The following PFDN2 variants were observed in gnomAD, a reference collection of about 807,000 sequenced individuals.
PFDN2 encodes prefoldin subunit 2.
PFDN2 carries 7 observed loss-of-function variants against 18.3 expected under a neutral mutation model. The ratio of observed to expected loss-of-function variants is 0.38; its 90% CI spans 0.22 to 0.72. The LOEUF is 0.72. Ranked by LOEUF, PFDN2 falls within the 30% of genes least tolerant of loss-of-function variation. The pLI is 0.47. For synonymous variants in PFDN2, 76 were observed against 75.0 expected, an observed-to-expected ratio of 1.01 and a Z score of -0.07; for missense variants, 181 against 199.1, an observed-to-expected ratio of 0.91 and a Z score of 0.55.
At chr1:161,113,495 G>C (rs1654849569) in intron 1 of PFDN2, among the ~76,000 whole-genome samples, 1 of 152,202 alleles carries the variant, frequency 6.6e-6, no homozygotes, top group Non-Finnish European at 1.5e-5. Flanking sequence ...ACAGAAGGTA[G>C]GCCTGAGCGG....
rs373554206 is a variant in PFDN2 at position 161,102,735 on chromosome 1, G to A, written c.76-360C>T. On this transcript the variant is annotated intron_variant, in intron 1 of 3. Coordinates refer to ENST00000368010, the MANE Select transcript of PFDN2 (RefSeq NM_012394.4). The stretch of plus-strand genomic sequence containing the variant: ...AGCACTTTGGGAGGCCAAGGCAGGC[G>A]GATCACAAGGTCAAGAAATTGAGAC... Among the ~76,000 whole-genome samples the A allele has an allele frequency of 2.6e-4, 40 of 152,058 alleles. No homozygotes were observed. The South Asian group carries it at 6.7e-3, about 25-fold the overall frequency.
intron 1 of PFDN2, among the ~76,000 whole-genome samples, chr1:161,102,583 G>T (rs1418466000): frequency 6.6e-6 from 1 of 152,112 alleles, no homozygotes; most frequent in East Asian, 1.9e-4. Context: ...TGAGATATTT[G>T]AGGGCCCACT....
chr1:161,103,826 A>C (rs1046850007), intron 1 of PFDN2, among the ~76,000 whole-genome samples: 2 of 151,780 alleles, frequency 1.3e-5, no homozygotes, highest in Non-Finnish European at 2.9e-5. Context: ...GAAAAATCAG[A>C]GTGTGGGGGG....
chr1:161,112,618 A>G (rs1206521673), intron 1 of PFDN2, among the ~76,000 whole-genome samples: 2 of 152,128 alleles, frequency 1.3e-5, no homozygotes, highest in Non-Finnish European at 2.9e-5. Context: ...AACATACCAT[A>G]ATCCCATGAA....
intron 1 of PFDN2, among the ~76,000 whole-genome samples, chr1:161,115,938 G>A (rs767933543): frequency 6.6e-6 from 1 of 152,042 alleles, no homozygotes; most frequent in Non-Finnish European, 1.5e-5. Context: ...AATTATTAGG[G>A]GGAGCCAGGC....
At chr1:161,102,482 C>A (rs909967862) in intron 1 of PFDN2, 107 bp from the exon 2 acceptor site, 2 of 776,992 alleles carry the variant, frequency 2.6e-6, no homozygotes, top group Non-Finnish European at 4.3e-6. Context: ...TGGGCACCTA[C>A]CTTGGAAAAG....
In PFDN2 at chr1:161,108,874, C is replaced by A. The variant is rs78280592; in HGVS notation, c.76-6499G>T. ...GTAACTCCAGAAACCTTGGAATCAT[C>A]CTTGATTCACTATCCACATCAAATT... On this transcript the variant is annotated intron_variant, in intron 1 of 3. Coordinates refer to ENST00000368010, the MANE Select transcript of PFDN2 (RefSeq NM_012394.4). Among the ~76,000 whole-genome samples the A allele has an allele frequency of 5.1e-4, 77 of 152,202 alleles. 1 individual carries two copies. In the East Asian group the frequency reaches 0.012, roughly 24 times the overall value.
intron 3 of PFDN2, among the ~76,000 whole-genome samples, chr1:161,101,403 G>C (rs1304074423): frequency 2.0e-5 from 3 of 151,626 alleles, no homozygotes; most frequent in Non-Finnish European, 4.4e-5. Flanking sequence ...GTTTCACCAT[G>C]CTAGCCAGGA....
intron 1 of PFDN2, among the ~76,000 whole-genome samples, chr1:161,102,790 G>A (rs1044641902): frequency 4.0e-5 from 6 of 151,830 alleles, no homozygotes; most frequent in African/African-American, 7.3e-5. Context: ...AAACTCTGTC[G>A]CTACTAAAAA....
At chr1:161,105,629 T>A (rs1654662564) in intron 1 of PFDN2, among the ~76,000 whole-genome samples, 1 of 152,106 alleles carries the variant, frequency 6.6e-6, no homozygotes, top group African/African-American at 2.4e-5. Context: ...AGGTAATTTT[T>A]ATAATTTTAG....
intron 1 of PFDN2, among the ~76,000 whole-genome samples, chr1:161,107,815 C>CA (rs1654714074): frequency 6.6e-6 from 1 of 150,418 alleles, no homozygotes; most frequent in Middle Eastern, 3.5e-3. Flanking sequence ...GATTCTGTCT[C>CA]AAAAAAACAA....
intron 1 of PFDN2, among the ~76,000 whole-genome samples, chr1:161,114,676 T>A (rs1182211196): frequency 1.3e-5 from 2 of 152,218 alleles, no homozygotes; most frequent in Non-Finnish European, 2.9e-5. Context: ...ATTGTTATGT[T>A]TCTACAGATG....
At chr1:161,101,538 GGT>G (rs1291913410) in intron 3 of PFDN2, among the ~76,000 whole-genome samples, 1 of 152,140 alleles carries the variant, frequency 6.6e-6, no homozygotes, top group African/African-American at 2.4e-5. Context: ...CACTCCCAAA[GGT>G]TCTAATCCAG....
At chr1:161,109,015 A>G (rs957865832) in intron 1 of PFDN2, among the ~76,000 whole-genome samples, 2 of 152,170 alleles carry the variant, frequency 1.3e-5, no homozygotes, top group African/African-American at 4.8e-5. Flanking sequence ...AAATCTAACC[A>G]ATTATTCCTT....
At chr1:161,103,622 T>G (rs931978698) in intron 1 of PFDN2, among the ~76,000 whole-genome samples, 1 of 131,482 alleles carries the variant, frequency 7.6e-6, no homozygotes, top group Non-Finnish European at 1.5e-5. Flanking sequence ...GAGGCGGAGG[T>G]TGCAGTGAGC....
At chr1:161,102,199 G>A in intron 2 of PFDN2, 28 bp from the exon 3 acceptor site, 1 of 1,613,962 alleles carries the variant, frequency 6.2e-7, no homozygotes, top group East Asian at 2.2e-5. Flanking sequence ...GGCAGGACCT[G>A]AGGATTCAGC....
chr1:161,112,405 T>C (rs546485864), intron 1 of PFDN2, among the ~76,000 whole-genome samples: 1 of 152,346 alleles, frequency 6.6e-6, no homozygotes, highest in South Asian at 2.1e-4. Context: ...GGCCTCCTGG[T>C]AGGAAACCTT....
chr1:161,117,251 A>G (rs1250438406), intron 1 of PFDN2, among the ~76,000 whole-genome samples: 1 of 152,208 alleles, frequency 6.6e-6, no homozygotes, highest in African/African-American at 2.4e-5. Flanking sequence ...AAAAAACGAT[A>G]ATAATAAAGT....
At chr1:161,111,140 C>T (rs1038802410) in intron 1 of PFDN2, among the ~76,000 whole-genome samples, 8 of 151,352 alleles carry the variant, frequency 5.3e-5, no homozygotes, top group African/African-American at 1.2e-4. Flanking sequence ...GCGCCCAGCC[C>T]GAGATGGGGG....
Sources: allele counts gnomAD v4.1 joint callset (sites outside exome capture counted in the v4.1 genomes callset), GRCh38; gene constraint gnomAD v4.1.1; transcripts MANE v1.5; gene names NCBI Gene and HGNC (gene_info 2026-07-23, HGNC 2026-07-21).